LRBA: variants seen among roughly 807,000 people sequenced by gnomAD.
LRBA encodes LPS responsive beige-like anchor protein.
LRBA carries 176 observed loss-of-function variants against 330.0 expected under a neutral mutation model. The observed-to-expected ratio is 0.53, with a 90% CI of 0.47 to 0.60. The LOEUF (loss-of-function observed/expected upper bound fraction) is 0.60, where lower values mean the gene tolerates loss of function less well. Among genes scored for constraint, LRBA ranks in the 20% least tolerant of loss-of-function variants. LRBA has a pLI of 0.00. For missense variants in LRBA, 3,259 were observed against 3,444.8 expected, an observed-to-expected ratio of 0.95 and a Z score of 1.35; for synonymous variants, 1,230 against 1,193.0, an observed-to-expected ratio of 1.03 and a Z score of -0.64.
At chr4:150,718,352 T>G (rs1252058375) in intron 36 of LRBA, among the ~76,000 whole-genome samples, 2 of 152,184 alleles carry the variant, frequency 1.3e-5, no homozygotes, top group East Asian at 3.8e-4. Context: ...ACAACATCTT[T>G]TTTTGCAGAA....
At chr4:150,455,980 T>C (rs1394586330) in intron 44 of LRBA, among the ~76,000 whole-genome samples, 3 of 152,186 alleles carry the variant, frequency 2.0e-5, no homozygotes, top group African/African-American at 7.2e-5. Flanking sequence ...GTTCTATCCA[T>C]GTTGTTGCAA....
At chr4:150,765,659 A>C (rs549383725) in intron 34 of LRBA, among the ~76,000 whole-genome samples, 2 of 152,120 alleles carry the variant, frequency 1.3e-5, no homozygotes, top group African/African-American at 4.8e-5. Flanking sequence ...CAAAACTGCA[A>C]TGGGAAAGGA....
At chr4:150,630,585 T>G (rs184189126) in intron 37 of LRBA, among the ~76,000 whole-genome samples, 18 of 152,296 alleles carry the variant, frequency 1.2e-4, no homozygotes, top group Admixed American at 1.0e-3. Flanking sequence ...CAGATTACAC[T>G]GTTTTAAACA....
intron 45 of LRBA, among the ~76,000 whole-genome samples, chr4:150,435,993 T>C (rs553474281): frequency 1.8e-4 from 28 of 152,236 alleles, no homozygotes; most frequent in Non-Finnish European, 4.0e-4. Flanking sequence ...AGACATAAAT[T>C]AGATGTATTT....
At chr4:150,763,338 T>C (rs985822822) in intron 34 of LRBA, among the ~76,000 whole-genome samples, 1 of 151,964 alleles carries the variant, frequency 6.6e-6, no homozygotes, top group Non-Finnish European at 1.5e-5. Context: ...ATTCTAGGTA[T>C]AATTTTTATT....
chr4:150,587,700 CA>C lies in LRBA; in HGVS notation c.6330+347del, dbSNP rs147634583. ...ATATCCAGAAAACATAAAGGCTAAA[CA>C]AAATAATTCCACTCTCAATCTCACT... On this transcript the variant is annotated intron_variant, in intron 40 of 56. Coordinates refer to ENST00000651943, the MANE Select transcript of LRBA (RefSeq NM_001364905.1). Among the ~76,000 whole-genome samples, 242 of 151,992 alleles carry C rather than the reference CA, an allele frequency of 1.6e-3. 1 individual carries two copies. Among genetic ancestry groups the C allele is most frequent in the Admixed American group, 3.7e-3 (56 of 15,250 alleles).
chr4:150,583,785 A>T lies in LRBA; in HGVS notation c.6330+4263T>A. On this transcript the variant is annotated intron_variant, in intron 40 of 56. Transcript: ENST00000651943. The surrounding 1 kb of genome is among the most constrained non-coding windows in gnomAD (Gnocchi z 9.8). ...GCGGCTGCCGAAACAAGTGCCTCTC[A>T]GTGCTGAAGACTCTGCGGGACCGCC... The T allele has an allele frequency of 1.9e-6, 3 of 1,614,172 alleles. No homozygotes were observed. The highest frequency in any genetic ancestry group is 2.5e-6 in the Non-Finnish European group (3 of 1,180,032).
intron 40 of LRBA, among the ~76,000 whole-genome samples, chr4:150,533,422 C>G (rs1304214631): frequency 6.6e-6 from 1 of 152,108 alleles, no homozygotes; most frequent in Admixed American, 6.6e-5. Flanking sequence ...AATCTGTCTC[C>G]TTGGGCTCCC....
rs1743399070 is a variant in LRBA, at chr4:150,809,877, TACGATACG to T, written c.5306-1487_5306-1480del. 2.9e-5 allele frequency among the ~76,000 whole-genome samples: 4 copies of T among 139,476 alleles called. No individual in the cohort carries two copies. In the South Asian group the frequency reaches 9.6e-4, roughly 34 times the overall value. 91.5% of individuals were successfully genotyped at this position (139,476 alleles called of 152,430 possible). A position where few individuals can be genotyped will look rare whatever the true frequency, so the allele number is the denominator to read the frequency against. On this transcript the variant is annotated intron_variant, in intron 31 of 56. Coordinates refer to ENST00000651943, the MANE Select transcript of LRBA (RefSeq NM_001364905.1). ...TACGATACGATACGATACGATACGA[TACGATACG>T]ATACGATACGATACGATACGATACG... is the stretch of plus-strand genomic sequence containing the variant.
At chr4:150,373,324 T>C (rs919113270) in intron 47 of LRBA, among the ~76,000 whole-genome samples, 3 of 152,134 alleles carry the variant, frequency 2.0e-5, no homozygotes, top group African/African-American at 7.2e-5. Flanking sequence ...ATTTATTACA[T>C]AGCAACAAAC....
At position 150,848,562 on chromosome 4, in the gene LRBA, G is replaced by GAA. The variant is rs9331496; in HGVS notation, c.4339+254_4339+255dup. On this transcript the variant is annotated intron_variant, in intron 26 of 56. Transcript: ENST00000651943. ...GAACCACCATTTCAGGGAGAAAAAA[G>GAA]AAAAAAAAAAAAAAAAAAGATAGGG... is the stretch of plus-strand genomic sequence containing the variant. Among the ~76,000 whole-genome samples the GAA allele has an allele frequency of 7.2e-3, 864 of 120,012 alleles. 10 individuals carry two copies. Among genetic ancestry groups the GAA allele is most frequent in the African/African-American group, 0.026 (822 of 31,752 alleles). 78.7% of individuals were successfully genotyped at this position (120,012 alleles called of 152,430 possible).
chr4:150,822,947 A>C (rs1376024177), intron 30 of LRBA, among the ~76,000 whole-genome samples: 1 of 152,128 alleles, frequency 6.6e-6, no homozygotes, highest in East Asian at 1.9e-4. Flanking sequence ...ACCGGTAAGC[A>C]CAGTGTTATA....
At chr4:150,808,694 A>C (rs1743163487) in intron 31 of LRBA, among the ~76,000 whole-genome samples, 1 of 152,232 alleles carries the variant, frequency 6.6e-6, no homozygotes, top group Non-Finnish European at 1.5e-5. Context: ...ACTCAACACC[A>C]AGTGTCAACA....
At chr4:150,708,853 C>T (rs1359653283) in intron 36 of LRBA, among the ~76,000 whole-genome samples, 1 of 151,686 alleles carries the variant, frequency 6.6e-6, no homozygotes. Flanking sequence ...ATACATAGAT[C>T]ATTGCTATTC....
intron 40 of LRBA, among the ~76,000 whole-genome samples, chr4:150,507,361 T>G (rs939989041): frequency 2.4e-4 from 37 of 152,188 alleles, no homozygotes; most frequent in African/African-American, 8.9e-4. Flanking sequence ...AACAGCATGG[T>G]ACTGGTATCA....
At chr4:150,883,852 A>G (rs926574684) in intron 17 of LRBA, among the ~76,000 whole-genome samples, 1 of 152,244 alleles carries the variant, frequency 6.6e-6, no homozygotes, top group Non-Finnish European at 1.5e-5. Context: ...AGTAATAAAT[A>G]AAAGACTGAG....
At chr4:150,934,055 C>G (rs1242850343) in intron 2 of LRBA, among the ~76,000 whole-genome samples, 1 of 151,870 alleles carries the variant, frequency 6.6e-6, no homozygotes, top group Admixed American at 6.6e-5. Context: ...CAAAACACCA[C>G]TGATGTGAAC....
intron 37 of LRBA, among the ~76,000 whole-genome samples, chr4:150,620,880 T>C (rs1286587052): frequency 6.6e-6 from 1 of 152,116 alleles, no homozygotes; most frequent in East Asian, 1.9e-4. Flanking sequence ...GGGTGACTAG[T>C]GCACTAAAAT....
At chr4:150,956,767 C>T (rs181149343) in intron 2 of LRBA, among the ~76,000 whole-genome samples, 1 of 149,178 alleles carries the variant, frequency 6.7e-6, no homozygotes, top group Admixed American at 6.6e-5. Flanking sequence ...TGAAAAACCA[C>T]ATGATCATCT....
Sources: gnomAD v4.1 joint callset for allele counts (sites outside exome capture counted in the v4.1 genomes callset) on GRCh38, gnomAD v4.1.1 for gene constraint, Gnocchi (gnomAD v3.1) non-coding constraint, MANE v1.5 for transcripts, NCBI Gene and HGNC (gene_info 2026-07-23, HGNC 2026-07-21) for gene names.